RGS22: variants seen among roughly 807,000 people sequenced by gnomAD.
The protein encoded by RGS22 is regulator of G-protein signaling 22.
A neutral mutation model predicts 172.9 loss-of-function variants in RGS22; 148 were observed. The ratio of observed to expected loss-of-function variants is 0.86; its 90% CI spans 0.75 to 0.98. The LOEUF (loss-of-function observed/expected upper bound fraction) is 0.98, where lower values mean the gene tolerates loss of function less well. Ranked by LOEUF, RGS22 falls within the 50% of genes least tolerant of loss-of-function variation. The pLI, the probability that RGS22 is intolerant of heterozygous loss-of-function variation, is 0.00. For missense variants in RGS22, 1,347 were observed against 1,440.8 expected (o/e 0.93, Z 1.05); for synonymous variants, 458 against 480.2 (o/e 0.95, Z 0.60).
chr8:100,092,983 A>C (rs1256104379), intron 3 of RGS22, among the ~76,000 whole-genome samples: 1 of 152,178 alleles, frequency 6.6e-6, no homozygotes, highest in Non-Finnish European at 1.5e-5. Flanking sequence ...GACTTTTTTG[A>C]TATTTTGTCC....
chr8:99,993,153 A>C, intron 20 of RGS22, among the ~76,000 whole-genome samples: 1 of 152,238 alleles, frequency 6.6e-6, no homozygotes, highest in South Asian at 2.1e-4. Flanking sequence ...AAATGCCCAC[A>C]AGAGAAATCA....
rs116187372 is a variant in RGS22, at chr8:100,043,011, C to T, written c.1824-1095G>A. On this transcript the variant is annotated intron_variant, in intron 11 of 27. Coordinates refer to ENST00000360863, the MANE Select transcript of RGS22 (RefSeq NM_015668.5). ...GACTTGAAAGCCTGATATTAGGAGC[C>T]GCAACACTGCTGACCATGAGGGAAA... Among the ~76,000 whole-genome samples, 1,091 of 152,204 alleles carry T rather than the reference C, an allele frequency of 7.2e-3. 12 individuals carry two copies. Among genetic ancestry groups the T allele is most frequent in the African/African-American group, 0.025 (1,040 of 41,526 alleles).
At chr8:100,060,505 T>C (rs1033715917) in intron 9 of RGS22, among the ~76,000 whole-genome samples, 4 of 149,642 alleles carry the variant, frequency 2.7e-5, no homozygotes, top group African/African-American at 9.8e-5. Context: ...TGCTCCAAGC[T>C]GACAGCCAAA....
At chr8:100,031,066 T>C (rs1818739242) in intron 14 of RGS22, among the ~76,000 whole-genome samples, 1 of 152,186 alleles carries the variant, frequency 6.6e-6, no homozygotes, top group Admixed American at 6.5e-5. Context: ...GATTTCCGTA[T>C]ACATGTCAAA....
intron 23 of RGS22, among the ~76,000 whole-genome samples, chr8:99,965,912 AT>A (rs1810680409): frequency 6.6e-6 from 1 of 152,104 alleles, no homozygotes. Context: ...GGGCCTTTGT[AT>A]TTTTTACCAT....
intron 16 of RGS22, 86 bp from the exon 17 acceptor site, chr8:100,004,184 A>G: frequency 7.0e-7 from 1 of 1,428,184 alleles, no homozygotes; most frequent in Non-Finnish European, 9.2e-7. Context: ...AAGAAAAATC[A>G]ACCATTAGGC....
At chr8:99,993,108 T>A in intron 20 of RGS22, among the ~76,000 whole-genome samples, 1 of 152,100 alleles carries the variant, frequency 6.6e-6, no homozygotes, top group African/African-American at 2.4e-5. Flanking sequence ...CTGGGACACA[T>A]TTAAAGCAGT....
chr8:99,984,105 G>C (rs779854271), intron 21 of RGS22, among the ~76,000 whole-genome samples: 13 of 152,056 alleles, frequency 8.5e-5, no homozygotes, highest in Non-Finnish European at 1.8e-4. Flanking sequence ...GCAACATGGT[G>C]AAACTCTGTC....
chr8:99,964,600 G>T lies in RGS22; in HGVS notation c.3615+735C>A, dbSNP rs186652468. On this transcript the variant is annotated intron_variant, in intron 24 of 27. Transcript: ENST00000360863. ...AATTTAATGCTAGTCATTTGCTAAT[G>T]AATGGTATTATTTGCTAGGTATCAT... 5.7e-4 allele frequency among the ~76,000 whole-genome samples: 86 copies of T among 151,296 alleles called. 3 individuals are homozygous for T. Among genetic ancestry groups the T allele is most frequent in the Admixed American group, 5.3e-3 (81 of 15,194 alleles).
intron 21 of RGS22, among the ~76,000 whole-genome samples, chr8:99,983,462 C>A (rs999466679): frequency 1.3e-5 from 2 of 152,088 alleles, no homozygotes; most frequent in African/African-American, 4.8e-5. Context: ...CCTCACCAAG[C>A]AGCTGTTATT....
intron 20 of RGS22, among the ~76,000 whole-genome samples, chr8:99,989,518 G>A (rs991611054): frequency 3.9e-5 from 6 of 152,082 alleles, no homozygotes; most frequent in Non-Finnish European, 7.3e-5. Context: ...TGAGAGCAGC[G>A]TACAGTTATG....
Position 100,072,223 on chromosome 8 carries a change from CT to C in RGS22, c.346del (p.Ser116ValfsTer28). On this transcript the variant is annotated frameshift_variant, in exon 5 of 28. Coordinates refer to ENST00000360863, the MANE Select transcript of RGS22 (RefSeq NM_015668.5). LOFTEE classifies it high-confidence loss of function. ...INVNYNIMCLSREEGIKWIKK... is the reference protein window; with the variant it reads ...INVNYNIMCLXREEGIKWIKK... ...GATCCACTTAATACCTTCTTCACGA[CT>C]GAGACACTATGAGAAGAAAGAGAAA... 6.3e-7 allele frequency: 1 copy of C among 1,576,502 alleles called. No individual in the cohort carries two copies. The highest frequency in any genetic ancestry group is 1.2e-5 in the South Asian group (1 of 85,712).
chr8:100,053,318 G>A (rs1416014373), intron 9 of RGS22, among the ~76,000 whole-genome samples: 1 of 151,970 alleles, frequency 6.6e-6, no homozygotes, highest in African/African-American at 2.4e-5. Flanking sequence ...GCTACTCAGG[G>A]GGGTGAGGCA....
intron 27 of RGS22, among the ~76,000 whole-genome samples, chr8:99,961,673 A>T (rs1810212453): frequency 6.6e-6 from 1 of 152,290 alleles, no homozygotes; most frequent in South Asian, 2.1e-4. Flanking sequence ...AGTTGTCATA[A>T]GGATCAAAAT....
intron 7 of RGS22, among the ~76,000 whole-genome samples, chr8:100,064,293 C>T (rs933176685): frequency 2.6e-5 from 4 of 151,956 alleles, no homozygotes; most frequent in Admixed American, 2.6e-4. Context: ...CATGGTGAAA[C>T]CCCTTCTCTA....
Position 100,051,626 on chromosome 8 carries a change from A to T in RGS22, c.1689+1176T>A, listed in dbSNP as rs1325311240. Reference sequence around the variant, plus strand: ...ATTTATATATGTTTATACATATATAAATATATATTTATATATGTTTATACA... The same window carrying T: ...ATTTATATATGTTTATACATATATATATATATATTTATATATGTTTATACA... On this transcript the variant is annotated intron_variant, in intron 10 of 27. Coordinates refer to ENST00000360863, the MANE Select transcript of RGS22 (RefSeq NM_015668.5). 2.6e-4 allele frequency among the ~76,000 whole-genome samples: 3 copies of T among 11,518 alleles called. 1 individual carries two copies. In the South Asian group the frequency reaches 8.3e-3, roughly 32 times the overall value. 7.6% of individuals were successfully genotyped at this position (11,518 alleles called of 152,430 possible). A position where few individuals can be genotyped will look rare whatever the true frequency, so the allele number is the denominator to read the frequency against.
intron 9 of RGS22, among the ~76,000 whole-genome samples, chr8:100,055,365 C>T (rs890465289): frequency 6.6e-6 from 1 of 152,186 alleles, no homozygotes; most frequent in African/African-American, 2.4e-5. Flanking sequence ...AGGATTCTCC[C>T]AGATATTGTC....
Position 99,961,141 on chromosome 8 carries a change from CA to C in RGS22, c.*100del. ...TTAGGCTTGCTCTGATACAGACCTT[CA>C]AAAAAACAAATCACTGGAGCTTCTC... On this transcript the variant is annotated 3_prime_UTR_variant, in exon 28 of 28. Coordinates refer to ENST00000360863, the MANE Select transcript of RGS22 (RefSeq NM_015668.5). The C allele has an allele frequency of 2.2e-6, 1 of 449,010 alleles. No homozygotes were observed. Among genetic ancestry groups the C allele is most frequent in the South Asian group, 1.6e-5 (1 of 61,874 alleles). The allele number at this position is 449,010 out of a possible 1,614,324, so 27.8% of individuals were successfully genotyped here.
At chr8:100,064,642 A>G (rs1247373003) in intron 7 of RGS22, among the ~76,000 whole-genome samples, 1 of 152,194 alleles carries the variant, frequency 6.6e-6, no homozygotes, top group Admixed American at 6.5e-5. Flanking sequence ...ATATACAAAA[A>G]TACATTATGT....
Sources: allele counts gnomAD v4.1 joint callset (sites outside exome capture counted in the v4.1 genomes callset), GRCh38; gene constraint gnomAD v4.1.1; transcripts MANE v1.5; gene names NCBI Gene and HGNC (gene_info 2026-07-23, HGNC 2026-07-21).